AGBL1: variants seen among roughly 807,000 people sequenced by gnomAD.
The protein encoded by AGBL1 is AGBL carboxypeptidase 1, also known as cytosolic carboxypeptidase 4.
Under a neutral mutation model 118.9 loss-of-function variants are expected in AGBL1, and 130 were observed. The ratio of observed to expected loss-of-function variants is 1.09; its 90% CI spans 0.95 to 1.26. The LOEUF (loss-of-function observed/expected upper bound fraction) is 1.26, where lower values mean the gene tolerates loss of function less well. Ranked by LOEUF, AGBL1 falls within the 50% of genes most tolerant of loss-of-function variation. The probability of loss-of-function intolerance (pLI) is 0.00; values close to 1 mark genes in which losing one functional copy is unlikely to be tolerated. For synonymous variants in AGBL1, 555 were observed against 478.9 expected (o/e 1.16, Z -2.08); for missense variants, 1,584 against 1,298.1 (o/e 1.22, Z -3.38).
chr15:86,114,667 G>T (rs1214472304), intron 1 of AGBL1, among the ~76,000 whole-genome samples: 3 of 152,140 alleles, frequency 2.0e-5, no homozygotes, highest in Non-Finnish European at 4.4e-5. Flanking sequence ...TCCTGTTGAA[G>T]TTGTAGGCCT....
At chr15:86,646,685 G>T (rs1596334419) in intron 21 of AGBL1, among the ~76,000 whole-genome samples, 1 of 152,114 alleles carries the variant, frequency 6.6e-6, no homozygotes, top group Admixed American at 6.5e-5. Context: ...TATAGGAAGA[G>T]CTCTGGACTG....
chr15:86,289,189 T>G (rs2141752611), intron 16 of AGBL1, among the ~76,000 whole-genome samples: 1 of 152,308 alleles, frequency 6.6e-6, no homozygotes, highest in East Asian at 1.9e-4. Context: ...AATCCAAATT[T>G]TTGTCATTAT....
chr15:86,528,373 C>T (rs910059934), intron 19 of AGBL1, among the ~76,000 whole-genome samples: 2 of 152,190 alleles, frequency 1.3e-5, no homozygotes, highest in African/African-American at 4.8e-5. Context: ...TCAGGTCACT[C>T]CCACCCGAAT....
chr15:86,699,131 T>A (rs2086312988), intron 22 of AGBL1, among the ~76,000 whole-genome samples: 1 of 152,020 alleles, frequency 6.6e-6, no homozygotes, highest in Admixed American at 6.6e-5. Flanking sequence ...TAACCTTTTA[T>A]CTTTAAATAA....
At chr15:86,566,567 T>G (rs1288743160) in intron 21 of AGBL1, among the ~76,000 whole-genome samples, 3 of 152,120 alleles carry the variant, frequency 2.0e-5, no homozygotes, top group Non-Finnish European at 4.4e-5. Context: ...CTTCCTTTTC[T>G]CATTTCACTT....
intron 22 of AGBL1, among the ~76,000 whole-genome samples, chr15:86,857,716 G>A (rs1000800082): frequency 6.6e-6 from 1 of 152,170 alleles, no homozygotes; most frequent in African/African-American, 2.4e-5. Flanking sequence ...GCTCTGAGAT[G>A]CAGGAGGGCA....
At chr15:86,213,369 C>T (rs1308343397) in intron 5 of AGBL1, among the ~76,000 whole-genome samples, 1 of 152,196 alleles carries the variant, frequency 6.6e-6, no homozygotes, top group Non-Finnish European at 1.5e-5. Flanking sequence ...TGAGCACCCA[C>T]TGCCTCAGTC....
chr15:86,860,666 T>G (rs2079547866), intron 22 of AGBL1, among the ~76,000 whole-genome samples: 1 of 152,102 alleles, frequency 6.6e-6, no homozygotes, highest in Non-Finnish European at 1.5e-5. Context: ...AGGAGCTTAT[T>G]TTTGGTAGTT....
chr15:86,211,562 C>T (rs1412737645), intron 5 of AGBL1, among the ~76,000 whole-genome samples: 3 of 152,240 alleles, frequency 2.0e-5, no homozygotes, highest in Non-Finnish European at 4.4e-5. Flanking sequence ...GCCCCTCCTC[C>T]TGCAAGGCTG....
chr15:86,707,459 G>A (rs935199744), intron 22 of AGBL1, among the ~76,000 whole-genome samples: 1 of 152,060 alleles, frequency 6.6e-6, no homozygotes, highest in South Asian at 2.1e-4. Flanking sequence ...GCTCTGTAGA[G>A]AGAGAGCATT....
At chr15:86,470,527 T>C (rs980021386) in intron 18 of AGBL1, among the ~76,000 whole-genome samples, 17 of 152,214 alleles carry the variant, frequency 1.1e-4, no homozygotes, top group African/African-American at 3.9e-4. Flanking sequence ...TCAGTGTCTT[T>C]TGTGGTTCCA....
intron 22 of AGBL1, among the ~76,000 whole-genome samples, chr15:86,693,263 C>T (rs565711817): frequency 1.1e-4 from 16 of 151,894 alleles, no homozygotes; most frequent in Admixed American, 3.3e-4. Context: ...GCATCCACAC[C>T]GACATCTATT....
rs16949174 is a variant in AGBL1, at chr15:86,188,561, A to G, written c.488+29535A>G. 9.8e-3 allele frequency among the ~76,000 whole-genome samples: 1,499 copies of G among 152,340 alleles called. 24 individuals are homozygous for G. The highest frequency in any genetic ancestry group is 0.035 in the African/African-American group (1,441 of 41,582). Reference sequence around the variant, plus strand: ...GAAATAAAAAGATATTACCTGCTAAATGTCCTGCACATCTTGAACACAACA... The same window carrying G: ...GAAATAAAAAGATATTACCTGCTAAGTGTCCTGCACATCTTGAACACAACA... On this transcript the variant is annotated intron_variant, in intron 5 of 22. Coordinates refer to ENST00000614907, the MANE Select transcript of AGBL1 (RefSeq NM_001386094.1).
chr15:86,147,671 C>T lies in AGBL1; in HGVS notation c.262+3826C>T, dbSNP rs139342910. Among the ~76,000 whole-genome samples the T allele has an allele frequency of 1.4e-3, 215 of 152,330 alleles. 1 individual carries two copies. Among genetic ancestry groups the T allele is most frequent in the African/African-American group, 4.8e-3 (201 of 41,580 alleles). The stretch of plus-strand genomic sequence containing the variant: ...TACTGCCTCTAGACTCCACTTCTAT[C>T]GGCAAGGCATAGCTGAACAAAAGGC... On this transcript the variant is annotated intron_variant, in intron 3 of 22. Coordinates refer to ENST00000614907, the MANE Select transcript of AGBL1 (RefSeq NM_001386094.1).
In AGBL1 at chr15:86,330,918, G is replaced by GA. The variant is rs535244939; in HGVS notation, c.2374+35516dup. On this transcript the variant is annotated intron_variant, in intron 17 of 22. Coordinates refer to ENST00000614907, the MANE Select transcript of AGBL1 (RefSeq NM_001386094.1). ...ACTAACCCAGTCAGACAAAAATAAAGAAAAAAGAATTTAAAAAAATGAGCA... is the reference window on the plus strand; with the variant it reads ...ACTAACCCAGTCAGACAAAAATAAAGAAAAAAAGAATTTAAAAAAATGAGCA... Among the ~76,000 whole-genome samples the GA allele has an allele frequency of 8.2e-4, 124 of 152,142 alleles. 2 individuals carry two copies. In the South Asian group the frequency reaches 0.023, roughly 29 times the overall value.
At chr15:86,761,779 A>G (rs2078027667) in intron 22 of AGBL1, among the ~76,000 whole-genome samples, 2 of 152,018 alleles carry the variant, frequency 1.3e-5, no homozygotes, top group Admixed American at 1.3e-4. Context: ...CATTCTCTGT[A>G]GGTTGTGTTT....
intron 23 of AGBL1, chr15:86,946,390 T>C (rs1018225322): frequency 1.3e-5 from 2 of 152,198 alleles, no homozygotes; most frequent in Non-Finnish European, 2.9e-5. Flanking sequence ...GATTCTTTTT[T>C]TTTGTAGTGG....
chr15:86,213,060 A>G (rs1473340106), intron 5 of AGBL1, among the ~76,000 whole-genome samples: 1 of 152,226 alleles, frequency 6.6e-6, no homozygotes, highest in Non-Finnish European at 1.5e-5. Flanking sequence ...AGGAGTGATC[A>G]CCAAATCATT....
chr15:86,745,005 G>A (rs2077734966), intron 22 of AGBL1, among the ~76,000 whole-genome samples: 1 of 152,126 alleles, frequency 6.6e-6, no homozygotes, highest in Non-Finnish European at 1.5e-5. Context: ...GCCAGGAAGA[G>A]TTTGGGACCA....
Sources: gnomAD v4.1 joint callset for allele counts (sites outside exome capture counted in the v4.1 genomes callset) on GRCh38, gnomAD v4.1.1 for gene constraint, MANE v1.5 for transcripts, NCBI Gene and HGNC (gene_info 2026-07-23, HGNC 2026-07-21) for gene names.